Variants in GALC observed in about 807,000 individuals in gnomAD.
GALC encodes galactosylceramidase, also known as galactocerebrosidase.
Under a neutral mutation model 91.8 loss-of-function variants are expected in GALC, and 77 were observed. The ratio of observed to expected loss-of-function variants is 0.84; its 90% CI spans 0.70 to 1.01. The LOEUF (loss-of-function observed/expected upper bound fraction) is 1.01. Ranked by LOEUF, GALC falls within the 50% of genes least tolerant of loss-of-function variation. GALC has a pLI of 0.00. For missense variants in GALC, 882 were observed against 855.9 expected (o/e 1.03, Z -0.38); for synonymous variants, 357 against 306.7 (o/e 1.16, Z -1.71).
intron 10 of GALC, among the ~76,000 whole-genome samples, chr14:87,957,439 G>A (rs1311396785): frequency 6.6e-6 from 1 of 151,964 alleles, no homozygotes; most frequent in Non-Finnish European, 1.5e-5. Flanking sequence ...TATACGGTGA[G>A]GTGAGAGGTA....
At chr14:87,975,631 T>C (rs1022123836) in intron 7 of GALC, among the ~76,000 whole-genome samples, 5 of 151,998 alleles carry the variant, frequency 3.3e-5, no homozygotes, top group African/African-American at 9.7e-5. Flanking sequence ...GATAAGAACA[T>C]AGATATTCAT....
chr14:87,987,616 C>A (rs1439774403), intron 3 of GALC: 1 of 156,772 alleles, frequency 6.4e-6, no homozygotes, highest in Admixed American at 6.3e-5. Context: ...GAGAGAATTT[C>A]TTTTCTTCTT....
At chr14:87,950,241 C>T (rs1280791271) in intron 11 of GALC, among the ~76,000 whole-genome samples, 1 of 151,900 alleles carries the variant, frequency 6.6e-6, no homozygotes, top group Non-Finnish European at 1.5e-5. Context: ...TATTAAAAAA[C>T]AATTCTTATG....
At chr14:87,982,301 G>A in intron 5 of GALC, 58 bp from the exon 6 acceptor site, 1 of 1,142,000 alleles carries the variant, frequency 8.8e-7, no homozygotes, top group Non-Finnish European at 1.3e-6. Flanking sequence ...TCAGAAAGCA[G>A]ATTATCGTTA....
At chr14:87,993,257 G>A, upstream of GALC, 1 of 1,540,042 alleles carries the variant, frequency 6.5e-7, no homozygotes, top group African/African-American at 1.4e-5. Flanking sequence ...TGACGCCGCC[G>A]CCGCCATTTT....
In GALC at chr14:87,993,085, G is replaced by A. The variant is rs764788873; in HGVS notation, c.80C>T (p.Ala27Val). The A allele has an allele frequency of 1.3e-6, 2 of 1,579,498 alleles. No individual in the cohort carries two copies. The highest frequency in any genetic ancestry group is 1.8e-5 in the Admixed American group (1 of 55,514). The change falls in exon 1 of 17, where the codon GCC becomes GTC. Residue 27 changes from alanine (A) to valine (V), a missense_variant. Physicochemically the swap from Ala to Val is moderately conservative, Grantham distance 64. Coordinates refer to ENST00000261304, the MANE Select transcript of GALC (RefSeq NM_000153.4). ...MTAAAGSAGR[A>V]AVPLLLCALL... Reference sequence around the variant, plus strand: ...CGCACACAGCAGCAAGGGCACCGCGGCGCGGCCCGCCGAACCCGCGGCCGC... The same window carrying A: ...CGCACACAGCAGCAAGGGCACCGCGACGCGGCCCGCCGAACCCGCGGCCGC...
intron 7 of GALC, among the ~76,000 whole-genome samples, chr14:87,972,135 G>A (rs1886317312): frequency 6.6e-6 from 1 of 150,618 alleles, no homozygotes; most frequent in Non-Finnish European, 1.5e-5. Context: ...CAGTCTAAAT[G>A]ACCATTAAAA....
At chr14:87,943,733 T>C (rs1408374733) in intron 14 of GALC, among the ~76,000 whole-genome samples, 1 of 152,032 alleles carries the variant, frequency 6.6e-6, no homozygotes, top group East Asian at 1.9e-4. Context: ...CCAATTTTTA[T>C]TCCCTCCTTT....
In GALC at chr14:87,933,852, C is replaced by T. The variant is rs1884458365; in HGVS notation, c.*880G>A. ...AAATGTCTAAGTGCTCCCCTCCTTC[C>T]ACACATAAGGAGAGAAAAGCATTCA... On this transcript the variant is annotated 3_prime_UTR_variant, in exon 17 of 17. Coordinates refer to ENST00000261304, the MANE Select transcript of GALC (RefSeq NM_000153.4). 2.7e-6 allele frequency: 2 copies of T among 748,174 alleles called. No homozygotes were observed. Among genetic ancestry groups the T allele is most frequent in the African/African-American group, 1.8e-5 (1 of 56,932 alleles). The allele number at this position is 748,174 out of a possible 1,614,324, so 46.3% of individuals were successfully genotyped here. A position where few individuals can be genotyped will look rare whatever the true frequency, so the allele number is the denominator to read the frequency against.
intron 14 of GALC, among the ~76,000 whole-genome samples, chr14:87,942,256 A>C (rs944947900): frequency 6.6e-6 from 1 of 151,958 alleles, no homozygotes; most frequent in African/African-American, 2.4e-5. Context: ...GGTGATGCTG[A>C]TGCTGCTCGT....
chr14:87,993,417 A>T (rs1317398176), upstream of GALC: 13 of 1,535,722 alleles, frequency 8.5e-6, no homozygotes, highest in East Asian at 2.2e-4. Flanking sequence ...CTGGTGGAGC[A>T]CTTTAACGCA....
chr14:87,933,274 A>G lies in GALC; in HGVS notation c.*1458T>C, dbSNP rs757918900. 9 of 152,576 alleles carry G rather than the reference A, an allele frequency of 5.9e-5. No homozygotes were observed. Among genetic ancestry groups the G allele is most frequent in the African/African-American group, 1.2e-4 (5 of 41,442 alleles). The allele number at this position is 152,576 out of a possible 1,614,324, so 9.5% of individuals were successfully genotyped here. On this transcript the variant is annotated 3_prime_UTR_variant, in exon 17 of 17. Coordinates refer to ENST00000261304, the MANE Select transcript of GALC (RefSeq NM_000153.4). ...ATAGAATTCCTATCAATGGCTGCCA[A>G]CAATTGGGAGTGAAAGGAACTGACT... is the stretch of plus-strand genomic sequence containing the variant.
rs3213918 is a variant in GALC, at chr14:87,949,881, G to C, written c.1302C>G (p.Ser434=). 8 of 1,598,640 alleles carry C rather than the reference G, an allele frequency of 5.0e-6. No individual in the cohort carries two copies. Among genetic ancestry groups the C allele is most frequent in the Admixed American group, 3.3e-5 (2 of 59,796 alleles). ...QVWYTKLGKT[S]ERFLFKQLDS... ...CCAGCTGCTTAAAAAGAAATCTTTC[G>C]GATGTTTTTCCAAGTTTGGTATACC... The change falls in exon 12 of 17, where the codon TCC becomes TCG. Residue 434 remains serine, a synonymous_variant. Transcript: ENST00000261304.
At chr14:87,956,730 T>C (rs1595206105) in intron 10 of GALC, among the ~76,000 whole-genome samples, 4 of 152,032 alleles carry the variant, frequency 2.6e-5, no homozygotes. Context: ...AACATATGTG[T>C]GCAGGTGACT....
At position 87,982,204 on chromosome 14, in the gene GALC, C is replaced by T. The variant is rs759511006; in HGVS notation, c.621+1G>A. On this transcript the variant is annotated splice_donor_variant, in intron 6 of 16. Coordinates refer to ENST00000261304, the MANE Select transcript of GALC (RefSeq NM_000153.4). LOFTEE classifies it high-confidence loss of function. The stretch of plus-strand genomic sequence containing the variant: ...CAAAAAGATACTAAAGTTGTACACA[C>T]CTTAATATAATTGGCATTATATGAC... 6 of 1,536,242 alleles carry T rather than the reference C, an allele frequency of 3.9e-6. No individual in the cohort carries two copies. The highest frequency in any genetic ancestry group is 1.1e-5 in the South Asian group (1 of 89,074).
At chr14:87,971,283 A>G (rs981861211) in intron 7 of GALC, among the ~76,000 whole-genome samples, 15 of 152,194 alleles carry the variant, frequency 9.9e-5, no homozygotes, top group Admixed American at 2.0e-4. Flanking sequence ...ACTGGCCGGT[A>G]CTCACACAAA....
chr14:87,938,815 T>G (rs965566408), intron 16 of GALC, among the ~76,000 whole-genome samples: 1 of 151,886 alleles, frequency 6.6e-6, no homozygotes, highest in African/African-American at 2.4e-5. Context: ...ATGTAAAACT[T>G]ATAATCATCA....
upstream of GALC, chr14:87,993,426 C>T: frequency 6.5e-7 from 1 of 1,535,862 alleles, no homozygotes; most frequent in Non-Finnish European, 8.7e-7. Flanking sequence ...CACTTTAACG[C>T]AGGGAAGGTG....
chr14:87,934,685 A>G lies in GALC; in HGVS notation c.*47T>C. The G allele has an allele frequency of 6.2e-7, 1 of 1,612,012 alleles. No individual in the cohort carries two copies. The highest frequency in any genetic ancestry group is 8.5e-7 in the Non-Finnish European group (1 of 1,178,900). On this transcript the variant is annotated 3_prime_UTR_variant, in exon 17 of 17. Transcript: ENST00000261304. Reference sequence around the variant, plus strand: ...AGAATTGGCTCTGAACCAAAACCAAAAAGAAGGGAAGAAAATCCAGAGTAT... The same window carrying G: ...AGAATTGGCTCTGAACCAAAACCAAGAAGAAGGGAAGAAAATCCAGAGTAT...
Sources: gnomAD v4.1 joint callset for allele counts (sites outside exome capture counted in the v4.1 genomes callset) on GRCh38, gnomAD v4.1.1 for gene constraint, MANE v1.5 for transcripts, NCBI Gene and HGNC (gene_info 2026-07-23, HGNC 2026-07-21) for gene names.